The following FAAH2 variants were observed in gnomAD, a reference collection of about 807,000 sequenced individuals.
FAAH2 encodes fatty acid amide hydrolase 2.
In FAAH2, 60 loss-of-function variants were observed where a neutral mutation model predicts 36.9. The ratio of observed to expected loss-of-function variants is 1.63; its 90% CI spans 1.32 to 2.02. The LOEUF (loss-of-function observed/expected upper bound fraction) is 2.02, where lower values mean the gene tolerates loss of function less well. Among genes scored for constraint, FAAH2 ranks in the 30% most tolerant of loss-of-function variants. FAAH2 has a pLI of 0.00. For synonymous variants in FAAH2, 214 were observed against 143.8 expected (o/e 1.49, Z -3.49); for missense variants, 689 against 397.5 (o/e 1.73, Z -6.23).
intron 5 of FAAH2, among the ~76,000 whole-genome samples, chrX:57,374,441 A>G (rs1231904627): frequency 9.0e-6 from 1 of 111,406 alleles, no homozygotes; most frequent in East Asian, 2.8e-4. Context: ...CGGGTTAGGT[A>G]TATTCCTAAG....
chrX:57,283,867 C>T (rs2051776466), upstream of FAAH2, among the ~76,000 whole-genome samples: 1 of 111,801 alleles, frequency 8.9e-6, no homozygotes, highest in African/African-American at 3.2e-5. Flanking sequence ...GAGCTGCTAC[C>T]GAGTAAAGTG....
chrX:57,241,611 AG>A, the FAAH2 span, among the ~76,000 whole-genome samples: 1 of 111,611 alleles, frequency 9.0e-6, no homozygotes, highest in Non-Finnish European at 1.9e-5. Context: ...TGTGTTCTTT[AG>A]CAGTGATTTA....
chrX:57,286,266 A>G (rs1327522905), upstream of FAAH2, among the ~76,000 whole-genome samples: 2 of 112,164 alleles, frequency 1.8e-5, no homozygotes, highest in Non-Finnish European at 3.8e-5. Context: ...AAATATATAT[A>G]TACTTGCCAT....
chrX:57,236,742 A>G, the FAAH2 span, among the ~76,000 whole-genome samples: 2 of 111,434 alleles, frequency 1.8e-5, no homozygotes, highest in Non-Finnish European at 1.9e-5. Context: ...TTCGTTATAT[A>G]TCATGAATAT....
At chrX:57,461,296 C>T (rs1330084788) in intron 10 of FAAH2, among the ~76,000 whole-genome samples, 1 of 111,512 alleles carries the variant, frequency 9.0e-6, no homozygotes, top group Non-Finnish European at 1.9e-5. Context: ...AGCTCTGAAC[C>T]AAGCAAACCT....
At chrX:57,267,525 T>A in the FAAH2 span, among the ~76,000 whole-genome samples, 1 of 112,529 alleles carries the variant, frequency 8.9e-6, no homozygotes, top group African/African-American at 3.2e-5. Context: ...AGCAGGGTAC[T>A]ACCATAACCC....
intron 7 of FAAH2, among the ~76,000 whole-genome samples, chrX:57,396,661 C>T (rs767640301): frequency 1.8e-5 from 2 of 111,576 alleles, no homozygotes; most frequent in East Asian, 2.8e-4. Context: ...CTCTTCATAT[C>T]GATTTCTACA....
the FAAH2 span, among the ~76,000 whole-genome samples, chrX:57,228,577 G>T: frequency 9.0e-6 from 1 of 111,204 alleles, no homozygotes; most frequent in South Asian, 3.9e-4. Context: ...GTCTGTTATT[G>T]CAGTCGATCT....
intron 5 of FAAH2, among the ~76,000 whole-genome samples, chrX:57,342,749 T>C (rs1265488048): frequency 9.0e-6 from 1 of 110,762 alleles, no homozygotes; most frequent in African/African-American, 3.3e-5. Context: ...CCCTGATAGG[T>C]AGTTTTTTGA....
At chrX:57,226,147 G>A in the FAAH2 span, among the ~76,000 whole-genome samples, 1 of 112,077 alleles carries the variant, frequency 8.9e-6, no homozygotes, top group African/African-American at 3.2e-5. Flanking sequence ...TGTTAGTATT[G>A]AAATGTGAGG....
the FAAH2 span, among the ~76,000 whole-genome samples, chrX:57,258,438 T>C: frequency 9.0e-6 from 1 of 110,733 alleles, no homozygotes; most frequent in Non-Finnish European, 1.9e-5. Context: ...CAAAAATAAA[T>C]AATTGGGACT....
At chrX:57,128,062 G>T in the FAAH2 span, among the ~76,000 whole-genome samples, 1 of 111,548 alleles carries the variant, frequency 9.0e-6, no homozygotes, top group Non-Finnish European at 1.9e-5. Context: ...AGCTATTTTT[G>T]CTATTTCAAA....
the FAAH2 span, among the ~76,000 whole-genome samples, chrX:57,143,028 G>T: frequency 1.8e-5 from 2 of 111,187 alleles, no homozygotes; most frequent in Non-Finnish European, 3.8e-5. Context: ...CTTGTACACA[G>T]AATCTACTTT....
intron 1 of FAAH2, among the ~76,000 whole-genome samples, chrX:57,289,415 C>T (rs768516175): frequency 2.7e-5 from 3 of 110,985 alleles, no homozygotes; most frequent in East Asian, 2.8e-4. Flanking sequence ...CAAGGTTGGG[C>T]CTTGCCAAAA....
At chrX:57,417,657 T>A (rs947461885) in intron 7 of FAAH2, among the ~76,000 whole-genome samples, 1 of 111,558 alleles carries the variant, frequency 9.0e-6, no homozygotes. Flanking sequence ...CTGTATGAGG[T>A]GTCTGTCGAC....
At chrX:57,171,559 T>G in the FAAH2 span, among the ~76,000 whole-genome samples, 2 of 111,918 alleles carry the variant, frequency 1.8e-5, no homozygotes, top group Non-Finnish European at 3.8e-5. Context: ...GTATATTTTC[T>G]TTTGAGAAAT....
intron 10 of FAAH2, among the ~76,000 whole-genome samples, chrX:57,469,452 A>G (rs1021299438): frequency 3.6e-4 from 40 of 111,394 alleles, no homozygotes; most frequent in Non-Finnish European, 5.8e-4. Context: ...TGCAATCCTG[A>G]TCTCTGATGA....
chrX:57,372,564 A>T (rs1419184001), intron 5 of FAAH2, among the ~76,000 whole-genome samples: 2 of 110,438 alleles, frequency 1.8e-5, no homozygotes, highest in African/African-American at 6.6e-5. Context: ...ATTCCAGGTC[A>T]TTTGAAAAAT....
At chrX:57,326,597 C>T (rs2053224959) in intron 3 of FAAH2, among the ~76,000 whole-genome samples, 1 of 94,945 alleles carries the variant, frequency 1.1e-5, no homozygotes. Context: ...TATGTAACGG[C>T]CTTCTTTGTC....
Sources: allele counts gnomAD v4.1 joint callset (sites outside exome capture counted in the v4.1 genomes callset), GRCh38; gene constraint gnomAD v4.1.1; transcripts MANE v1.5; gene names NCBI Gene and HGNC (gene_info 2026-07-23, HGNC 2026-07-21).